CFAP57: variants seen among roughly 807,000 people sequenced by gnomAD.
CFAP57 encodes the protein cilia- and flagella-associated protein 57.
A neutral mutation model predicts 146.8 loss-of-function variants in CFAP57; 116 were observed. The ratio of observed to expected loss-of-function variants is 0.79; its 90% CI spans 0.68 to 0.92. The LOEUF is 0.92. Among genes scored for constraint, CFAP57 ranks in the 40% least tolerant of loss-of-function variants. The pLI is 0.00. For synonymous variants in CFAP57, 518 were observed against 552.8 expected (o/e 0.94, Z 0.88); for missense variants, 1,377 against 1,527.2 (o/e 0.90, Z 1.64).
In CFAP57 at chr1:43,205,353, T is replaced by G. The variant is rs555759205; in HGVS notation, c.1543-1367T>G. ...TCAAGCAGAGCTGTAGAGCTCCCTG[T>G]CTTAGCACCTGACTTTCCCACAGAC... On this transcript the variant is annotated intron_variant, in intron 9 of 22. Coordinates refer to ENST00000372492, the MANE Select transcript of CFAP57 (RefSeq NM_001378189.1). Among the ~76,000 whole-genome samples, 6 of 152,330 alleles carry G rather than the reference T, an allele frequency of 3.9e-5. No individual in the cohort carries two copies. In the East Asian group the frequency reaches 9.6e-4, roughly 24 times the overall value.
intron 17 of CFAP57, among the ~76,000 whole-genome samples, chr1:43,225,298 CAGGGG>C (rs1331583914): frequency 3.9e-5 from 6 of 152,324 alleles, no homozygotes; most frequent in African/African-American, 1.4e-4. Context: ...ATTGCTACAG[CAGGGG>C]TCAGCACGCT....
intron 10 of CFAP57, among the ~76,000 whole-genome samples, chr1:43,208,637 C>T (rs1644460521): frequency 6.6e-6 from 1 of 152,034 alleles, no homozygotes; most frequent in South Asian, 2.1e-4. Context: ...CACAACGGGG[C>T]CTGTCGTGGG....
chr1:43,187,995 G>T (rs1290453722), intron 6 of CFAP57, among the ~76,000 whole-genome samples: 1 of 152,038 alleles, frequency 6.6e-6, no homozygotes, highest in Non-Finnish European at 1.5e-5. Flanking sequence ...GTAGAGACAG[G>T]GTTTTGCCAT....
chr1:43,249,250 G>A (rs1557840535), intron 22 of CFAP57, among the ~76,000 whole-genome samples: 1 of 151,618 alleles, frequency 6.6e-6, no homozygotes, highest in Non-Finnish European at 1.5e-5. Flanking sequence ...TAGCCAATGA[G>A]CATCAAAAAT....
At chr1:43,182,037 G>T (rs559264649) in intron 3 of CFAP57, among the ~76,000 whole-genome samples, 187 bp downstream of exon 3, 1 of 152,338 alleles carries the variant, frequency 6.6e-6, no homozygotes, top group South Asian at 2.1e-4. Context: ...GATCCAAGAG[G>T]TTAAGTAACT....
chr1:43,225,268 C>G (rs557326435), intron 17 of CFAP57, among the ~76,000 whole-genome samples: 15 of 152,320 alleles, frequency 9.8e-5, no homozygotes, highest in Admixed American at 9.1e-4. Flanking sequence ...CTCTCCTGCT[C>G]AAAGCCCTCA....
Position 43,172,949 on chromosome 1 carries a change from T to C in CFAP57, c.157+39T>C, listed in dbSNP as rs371517163. On this transcript the variant is annotated intron_variant, in intron 2 of 22. Transcript: ENST00000372492. Reference sequence around the variant, plus strand: ...CATCCTGACATATACAGGAATGGTATGTGCCACATATAACCCCATAATCCC... The same window carrying C: ...CATCCTGACATATACAGGAATGGTACGTGCCACATATAACCCCATAATCCC... 6.3e-6 allele frequency: 10 copies of C among 1,579,770 alleles called. No individual in the cohort carries two copies. The African/African-American group carries it at 1.3e-4, about 21-fold the overall frequency.
chr1:43,210,461 G>A (rs1005849667), intron 11 of CFAP57: 1 of 1,075,334 alleles, frequency 9.3e-7, no homozygotes, highest in African/African-American at 1.6e-5. Flanking sequence ...GCAAAAGATG[G>A]TATATCTATA....
At position 43,238,941 on chromosome 1, in the gene CFAP57, C is replaced by A. The variant is rs1645803451; in HGVS notation, c.3406-4286C>A. ...GTATGCATGCTGTTTGATACATTTG[C>A]AGTGATCCAATCAACCCTTGCAATT... On this transcript the variant is annotated intron_variant, in intron 21 of 22. Transcript: ENST00000372492. This position sits in a 1 kb window ranked among gnomAD's most constrained non-coding sequence, Gnocchi z 4.3. Among the ~76,000 whole-genome samples, 2 of 152,064 alleles carry A rather than the reference C, an allele frequency of 1.3e-5. No homozygotes were observed. The highest frequency in any genetic ancestry group is 4.8e-5 in the African/African-American group (2 of 41,412).
chr1:43,177,126 TTCTG>T, intron 2 of CFAP57: 1 of 456,266 alleles, frequency 2.2e-6, no homozygotes, highest in South Asian at 1.5e-5. Context: ...CTCAGGTTCA[TTCTG>T]GCTGCTGTAC....
At chr1:43,218,926 T>A (rs1644940045) in intron 12 of CFAP57, among the ~76,000 whole-genome samples, 1 of 152,168 alleles carries the variant, frequency 6.6e-6, no homozygotes, top group African/African-American at 2.4e-5. Flanking sequence ...CTACAAAGAT[T>A]CTGGTCTATG....
chr1:43,185,308 T>C lies in CFAP57; in HGVS notation c.921T>C (p.Phe307=). ...CTGGGCCAGGGAGAGTTCTGCTGTTTGAGAAGATGGAAGAAAAGGATTTTT... is the reference window on the plus strand; with the variant it reads ...CTGGGCCAGGGAGAGTTCTGCTGTTCGAGAAGATGGAAGAAAAGGATTTTT... ...CSAGPGRVLL[F]EKMEEKDFYR... Residue 307 remains phenylalanine (F), a synonymous_variant, in exon 5 of 23, where the codon TTT becomes TTC. Transcript: ENST00000372492. The C allele has an allele frequency of 6.2e-7, 1 of 1,613,934 alleles. No homozygotes were observed. Among genetic ancestry groups the C allele is most frequent in the Non-Finnish European group, 8.5e-7 (1 of 1,179,986 alleles).
chr1:43,206,744 G>T lies in CFAP57; in HGVS notation c.1567G>T (p.Asp523Tyr), dbSNP rs387907122. 6 of 1,614,056 alleles carry T rather than the reference G, an allele frequency of 3.7e-6. No homozygotes were observed. The highest frequency in any genetic ancestry group is 5.1e-6 in the Non-Finnish European group (6 of 1,180,018). The change falls in exon 10 of 23, where the codon GAT becomes TAT. Residue 523 changes from aspartate (D) to tyrosine (Y), a missense_variant. Transcript: ENST00000372492. The part of the protein sequence containing the change: ...GKIRSIVWNA[D>Y]DSKLISGGTD... The stretch of plus-strand genomic sequence containing the variant: ...GATTCGCTCAATTGTGTGGAATGCA[G>T]ATGATAGCAAACTGATTTCTGGTGG...
intron 3 of CFAP57, among the ~76,000 whole-genome samples, chr1:43,182,962 A>G (rs1290509179): frequency 6.6e-6 from 1 of 152,242 alleles, no homozygotes; most frequent in Non-Finnish European, 1.5e-5. Flanking sequence ...AAAGAGACCA[A>G]GTAATACGCT....
chr1:43,244,762 G>T (rs1180348989), intron 22 of CFAP57, among the ~76,000 whole-genome samples: 1 of 152,210 alleles, frequency 6.6e-6, no homozygotes, highest in East Asian at 1.9e-4. Context: ...AATTAGCTGG[G>T]CGTGGTGGCG....
chr1:43,225,433 A>G (rs950581197), intron 17 of CFAP57, among the ~76,000 whole-genome samples: 1 of 152,260 alleles, frequency 6.6e-6, no homozygotes, highest in Non-Finnish European at 1.5e-5. Flanking sequence ...TTAGTCAATT[A>G]ACTTGGCTGT....
intron 2 of CFAP57, among the ~76,000 whole-genome samples, chr1:43,179,365 G>A (rs1312497532): frequency 1.3e-5 from 2 of 152,188 alleles, no homozygotes; most frequent in African/African-American, 4.8e-5. Flanking sequence ...TCGAAACAAT[G>A]CAAAAGCATT....
intron 11 of CFAP57, among the ~76,000 whole-genome samples, chr1:43,212,736 C>A (rs1450445700): frequency 6.6e-6 from 1 of 151,982 alleles, no homozygotes. Context: ...AGTTTGAGAC[C>A]AGCCTGGCCA....
In CFAP57 at chr1:43,209,798, A is replaced by G. The variant is rs1358833563; in HGVS notation, c.1811A>G (p.His604Arg). The G allele has an allele frequency of 1.9e-6, 3 of 1,614,160 alleles. No individual in the cohort carries two copies. Among genetic ancestry groups the G allele is most frequent in the East Asian group, 4.5e-5 (2 of 44,866 alleles). Residue 604 changes from histidine to arginine, a missense_variant, in exon 11 of 23, where the codon CAT (histidine) becomes CGT (arginine). By Grantham distance (29) the His-to-Arg change is conservative. Coordinates refer to ENST00000372492, the MANE Select transcript of CFAP57 (RefSeq NM_001378189.1). ...ACCTACACCGCCATTGTCATCTCGCATTCTGGACGCATGATGTTTGTGGGC... is the reference window on the plus strand; with the variant it reads ...ACCTACACCGCCATTGTCATCTCGCGTTCTGGACGCATGATGTTTGTGGGC... ...DVTYTAIVIS[H>R]SGRMMFVGTS...
Sources: gnomAD v4.1 joint callset for allele counts (sites outside exome capture counted in the v4.1 genomes callset) on GRCh38, gnomAD v4.1.1 for gene constraint, Gnocchi (gnomAD v3.1) non-coding constraint, MANE v1.5 for transcripts, NCBI Gene and HGNC (gene_info 2026-07-23, HGNC 2026-07-21) for gene names.